The following KCNAB2 variants were observed in gnomAD, a reference collection of about 807,000 sequenced individuals.
The protein encoded by KCNAB2 is potassium voltage-gated channel subfamily A regulatory beta subunit 2.
KCNAB2 carries 29 observed loss-of-function variants against 63.6 expected under a neutral mutation model. The observed-to-expected ratio is 0.46, with a 90% CI of 0.34 to 0.62. The LOEUF (loss-of-function observed/expected upper bound fraction) is 0.62, where lower values mean the gene tolerates loss of function less well. KCNAB2 is among the 20% of genes least tolerant of loss of function. The pLI, the probability that KCNAB2 is intolerant of heterozygous loss-of-function variation, is 0.01. For synonymous variants in KCNAB2, 222 were observed against 224.2 expected (o/e 0.99, Z 0.09); for missense variants, 359 against 563.9 (o/e 0.64, Z 3.68).
intron 1 of KCNAB2, among the ~76,000 whole-genome samples, chr1:6,023,848 C>T (rs1658984731): frequency 6.6e-6 from 1 of 152,060 alleles, no homozygotes; most frequent in African/African-American, 2.4e-5. Context: ...TCATAACTCA[C>T]TGTAGCCTCA....
rs754776964 is a variant in KCNAB2 at position 6,028,966 on chromosome 1, C to T, written c.-52-11551C>T. 3.3e-5 allele frequency among the ~76,000 whole-genome samples: 5 copies of T among 152,194 alleles called. No homozygotes were observed. Among genetic ancestry groups the T allele is most frequent in the Admixed American group, 6.5e-5 (1 of 15,282 alleles). ...CAGAAAGCCTAAGCGCCACAAGTCC[C>T]GCCATGACGCCCTGAGGCGTGGGTT... On this transcript the variant is annotated intron_variant, in intron 1 of 16. Coordinates refer to the KCNAB2 transcript ENST00000341524. The surrounding 1 kb of genome is among the most constrained non-coding windows in gnomAD (Gnocchi z 4.0).
intron 2 of KCNAB2, among the ~76,000 whole-genome samples, chr1:6,058,486 C>G (rs1277785440): frequency 6.6e-6 from 1 of 152,202 alleles, no homozygotes; most frequent in Non-Finnish European, 1.5e-5. Context: ...AGACCGGGGT[C>G]ACTACAGCAG....
chr1:6,017,435 TGTG>T (rs1658574089), intron 1 of KCNAB2, among the ~76,000 whole-genome samples: 1 of 151,824 alleles, frequency 6.6e-6, no homozygotes, highest in African/African-American at 2.4e-5. Context: ...TGTGTGTGTG[TGTG>T]TATTTTTAGT....
At chr1:6,064,303 T>C (rs1164550013) in intron 2 of KCNAB2, among the ~76,000 whole-genome samples, 7 of 152,216 alleles carry the variant, frequency 4.6e-5, no homozygotes, top group Admixed American at 3.3e-4. Context: ...GATCAGATGT[T>C]GAACAGCCCT....
rs72862362 is a variant in KCNAB2 at position 6,078,563 on chromosome 1, C to T, written c.301-3632C>T. Among the ~76,000 whole-genome samples the T allele has an allele frequency of 0.028, 4,315 of 152,168 alleles. 78 individuals carry two copies. Among genetic ancestry groups the T allele is most frequent in the African/African-American group, 0.044 (1,822 of 41,506 alleles). On this transcript the variant is annotated intron_variant, in intron 4 of 15. Coordinates refer to ENST00000378083, the MANE Select transcript of KCNAB2 (RefSeq NM_001199862.2). This position sits in a 1 kb window ranked among gnomAD's most constrained non-coding sequence, Gnocchi z 4.2. ...GGACAACCAAGGCACAGCCCTAAGG[C>T]CGAGTGTTGGGGAGAAGGGGATGCA... is the stretch of plus-strand genomic sequence containing the variant.
intron 1 of KCNAB2, among the ~76,000 whole-genome samples, chr1:6,051,001 T>G (rs2100530631): frequency 6.6e-6 from 1 of 152,376 alleles, no homozygotes; most frequent in Non-Finnish European, 1.5e-5. Flanking sequence ...GGTGCCTCCC[T>G]GGCATAATTA....
intron 4 of KCNAB2, among the ~76,000 whole-genome samples, chr1:6,075,342 A>C (rs1663571904): frequency 6.6e-6 from 1 of 152,268 alleles, no homozygotes; most frequent in Non-Finnish European, 1.5e-5. Flanking sequence ...CCCTTAGAGC[A>C]TTAATGAATG....
intron 2 of KCNAB2, among the ~76,000 whole-genome samples, chr1:6,055,434 C>G (rs1358322795): frequency 6.8e-6 from 1 of 147,776 alleles, no homozygotes; most frequent in African/African-American, 2.5e-5. Context: ...CGGCTCACTA[C>G]AACCTCTGCC....
At chr1:6,041,568 G>A (rs540865571), upstream of KCNAB2, 2 of 518,956 alleles carry the variant, frequency 3.9e-6, no homozygotes. Flanking sequence ...GGAAAACAGG[G>A]CCTGGCATGG....
chr1:6,029,956 T>C (rs1659472224), upstream of KCNAB2, among the ~76,000 whole-genome samples: 2 of 152,240 alleles, frequency 1.3e-5, no homozygotes, highest in Non-Finnish European at 2.9e-5. Context: ...CGACTTTGGA[T>C]CAAGACTTCT....
intron 9 of KCNAB2, 135 bp downstream of exon 9, chr1:6,090,610 T>C: frequency 1.5e-6 from 1 of 651,114 alleles, no homozygotes. Flanking sequence ...GGGTCCAGGG[T>C]GGGGGGCGAG....
rs762423154 is a variant in KCNAB2, at chr1:6,099,484, A to G, written c.*910A>G. 6.4e-5 allele frequency: 18 copies of G among 280,388 alleles called. No individual in the cohort carries two copies. The highest frequency in any genetic ancestry group is 1.1e-4 in the Non-Finnish European group (16 of 150,034). The allele number at this position is 280,388 out of a possible 1,614,324, so 17.4% of individuals were successfully genotyped here. ...GAAGGCCCTGTGGTCATGTGCTCCT[A>G]GCTGCACGGTGGCTGCTGGCCACAC... On this transcript the variant is annotated 3_prime_UTR_variant, in exon 16 of 16. Transcript: ENST00000378083.
In KCNAB2 at chr1:6,087,530, G is replaced by A. The variant is rs752559507; in HGVS notation, c.470+19G>A. 1.2e-5 allele frequency: 20 copies of A among 1,613,624 alleles called. No individual in the cohort carries two copies. Among genetic ancestry groups the A allele is most frequent in the East Asian group, 1.1e-4 (5 of 44,880 alleles). On this transcript the variant is annotated intron_variant, in intron 7 of 15. Transcript: ENST00000378083. The surrounding 1 kb of genome is among the most constrained non-coding windows in gnomAD (Gnocchi z 6.4). ...GCGGAAAGTAGGTGCAACAGCTGGC[G>A]ATGCTTCCAGCCCCGGCCCAGCAGC...
intron 1 of KCNAB2, among the ~76,000 whole-genome samples, chr1:6,008,204 G>A (rs1001271626): frequency 8.5e-5 from 13 of 152,178 alleles, no homozygotes; most frequent in African/African-American, 2.2e-4. Flanking sequence ...GTCCGGTTCC[G>A]CTGCGCTGGG....
chr1:6,051,920 C>G (rs1661430348), intron 2 of KCNAB2, among the ~76,000 whole-genome samples, 166 bp downstream of exon 2: 1 of 151,592 alleles, frequency 6.6e-6, no homozygotes, highest in Admixed American at 6.6e-5. Context: ...CCTGGCCAAC[C>G]TGGTGAAACA....
chr1:6,035,317 G>A lies in KCNAB2; in HGVS notation c.-53+523G>A, dbSNP rs952955762. On this transcript the variant is annotated intron_variant, in intron 1 of 15. Coordinates refer to the KCNAB2 transcript ENST00000164247. This position sits in a 1 kb window ranked among gnomAD's most constrained non-coding sequence, Gnocchi z 5.0. Reference sequence around the variant, plus strand: ...TTGGACTTTGGCTCTGAATGGAATGGAAGCCATTGGAAGGTTTGGAGTGAA... The same window carrying A: ...TTGGACTTTGGCTCTGAATGGAATGAAAGCCATTGGAAGGTTTGGAGTGAA... Among the ~76,000 whole-genome samples the A allele has an allele frequency of 6.6e-6, 1 of 152,210 alleles. No homozygotes were observed. The highest frequency in any genetic ancestry group is 1.5e-5 in the Non-Finnish European group (1 of 68,036).
intron 14 of KCNAB2, among the ~76,000 whole-genome samples, chr1:6,097,062 C>A (rs553179660): frequency 6.6e-6 from 1 of 152,188 alleles, no homozygotes; most frequent in Non-Finnish European, 1.5e-5. Context: ...CTTGGGCCAC[C>A]TCTCCATCAG....
chr1:6,064,546 G>A (rs1367429164), intron 2 of KCNAB2, among the ~76,000 whole-genome samples: 1 of 152,206 alleles, frequency 6.6e-6, no homozygotes, highest in African/African-American at 2.4e-5. Flanking sequence ...CTCCAAGTAG[G>A]GAGAAGGGTA....
chr1:6,086,097 A>G lies in KCNAB2; in HGVS notation c.425+849A>G. The G allele has an allele frequency of 2.0e-6, 2 of 985,380 alleles. No homozygotes were observed. Among genetic ancestry groups the G allele is most frequent in the Non-Finnish European group, 2.4e-6 (2 of 829,924 alleles). 61.0% of individuals were successfully genotyped at this position (985,380 alleles called of 1,614,324 possible). A position where few individuals can be genotyped will look rare whatever the true frequency, so the allele number is the denominator to read the frequency against. ...TCCCCAGACCCCTGGACACAGCTTT[A>G]TCTCAAGGTGCTGACAAGCCCCGGG... On this transcript the variant is annotated intron_variant, in intron 6 of 15. Coordinates refer to ENST00000378083, the MANE Select transcript of KCNAB2 (RefSeq NM_001199862.2). This position sits in a 1 kb window ranked among gnomAD's most constrained non-coding sequence, Gnocchi z 4.2.
Sources: allele counts gnomAD v4.1 joint callset (sites outside exome capture counted in the v4.1 genomes callset), GRCh38; gene constraint gnomAD v4.1.1; non-coding constraint Gnocchi (gnomAD v3.1); transcripts MANE v1.5; gene names NCBI Gene and HGNC (gene_info 2026-07-23, HGNC 2026-07-21).